GRHL2: variants seen among roughly 807,000 people sequenced by gnomAD.
The protein encoded by GRHL2 is grainyhead like transcription factor 2, also known as grainyhead-like protein 2 homolog.
In GRHL2, 21 loss-of-function variants were observed where a neutral mutation model predicts 83.8. That is an observed-to-expected ratio of 0.25 (90% CI 0.18 to 0.36). The LOEUF (loss-of-function observed/expected upper bound fraction) is 0.36, where lower values mean the gene tolerates loss of function less well. Ranked by LOEUF, GRHL2 falls within the 10% of genes least tolerant of loss-of-function variation. The pLI, the probability that GRHL2 is intolerant of heterozygous loss-of-function variation, is 1.00. For missense variants in GRHL2, 623 were observed against 781.8 expected (o/e 0.80, Z 2.42); for synonymous variants, 280 against 278.9 (o/e 1.00, Z -0.04).
At chr8:101,596,132 T>TA (rs35255628) in intron 7 of GRHL2, among the ~76,000 whole-genome samples, 143,765 of 151,184 alleles carry the variant, frequency 0.95, 68,520 homozygotes, top group African/African-American at 0.97. Context: ...AAAATAAAAA[T>TA]AAAAAAAATA....
intron 14 of GRHL2, among the ~76,000 whole-genome samples, chr8:101,653,595 T>A (rs533640996): frequency 6.6e-6 from 1 of 152,158 alleles, no homozygotes; most frequent in South Asian, 2.1e-4. Flanking sequence ...ACCAGAAAAT[T>A]AGCTGAGTGT....
In GRHL2 at chr8:101,652,333, GT is replaced by G. The variant is rs1563626567; in HGVS notation, c.1698+2835del. ...TAGTGTGTGTGCGTGTGTGTGTGGT[GT>G]GTGTGTATGTGTGTGGTGTGTGTGG... On this transcript the variant is annotated intron_variant, in intron 14 of 15. Transcript: ENST00000646743. Among the ~76,000 whole-genome samples the G allele has an allele frequency of 9.3e-3, 972 of 105,036 alleles. 62 individuals carry two copies. Among genetic ancestry groups the G allele is most frequent in the African/African-American group, 0.04 (779 of 19,268 alleles). The allele number at this position is 105,036 out of a possible 152,430, so 68.9% of individuals were successfully genotyped here. A position where few individuals can be genotyped will look rare whatever the true frequency, so the allele number is the denominator to read the frequency against.
chr8:101,511,901 C>T (rs1161712841), intron 1 of GRHL2, among the ~76,000 whole-genome samples: 1 of 152,140 alleles, frequency 6.6e-6, no homozygotes, highest in Non-Finnish European at 1.5e-5. Flanking sequence ...TTCTAGATGG[C>T]CAAACTATTC....
chr8:101,671,437 C>A (rs1814206725), downstream of GRHL2, among the ~76,000 whole-genome samples: 1 of 152,178 alleles, frequency 6.6e-6, no homozygotes, highest in Non-Finnish European at 1.5e-5. Context: ...TGAGATCAAA[C>A]TGCAAGGCGG....
chr8:101,527,907 T>C (rs1445962900), intron 1 of GRHL2, among the ~76,000 whole-genome samples: 1 of 152,240 alleles, frequency 6.6e-6, no homozygotes, highest in Non-Finnish European at 1.5e-5. Context: ...TGGCAGTTTC[T>C]AGTTCTGTTC....
At chr8:101,633,752 C>G (rs980360311) in intron 11 of GRHL2, among the ~76,000 whole-genome samples, 1 of 151,742 alleles carries the variant, frequency 6.6e-6, no homozygotes, top group Admixed American at 6.6e-5. Flanking sequence ...TTCCCAAGAC[C>G]ATGGTGATGA....
At chr8:101,500,461 TATAATG>T (rs1810203486) in intron 1 of GRHL2, among the ~76,000 whole-genome samples, 1 of 152,216 alleles carries the variant, frequency 6.6e-6, no homozygotes, top group South Asian at 2.1e-4. Flanking sequence ...GTAAGTTTCT[TATAATG>T]GTAAATGGTA....
intron 8 of GRHL2, among the ~76,000 whole-genome samples, chr8:101,615,128 G>C (rs1215855009): frequency 6.6e-6 from 1 of 152,128 alleles, no homozygotes; most frequent in African/African-American, 2.4e-5. Flanking sequence ...TCTGATGTGT[G>C]GTAGCTCATT....
At chr8:101,492,928 A>G (rs1035946503) in intron 1 of GRHL2, 139 bp downstream of exon 1, 1 of 784,870 alleles carries the variant, frequency 1.3e-6, no homozygotes, top group African/African-American at 1.7e-5. Context: ...GTGGATCCAG[A>G]CTTTTCCGCA....
intron 1 of GRHL2, among the ~76,000 whole-genome samples, chr8:101,540,405 A>G (rs1431892292): frequency 1.3e-5 from 2 of 152,184 alleles, no homozygotes; most frequent in African/African-American, 4.8e-5. Context: ...CCTGCCAACC[A>G]GGGTGTTTTC....
At chr8:101,595,695 C>T (rs995479169) in intron 7 of GRHL2, among the ~76,000 whole-genome samples, 1 of 151,802 alleles carries the variant, frequency 6.6e-6, no homozygotes, top group Non-Finnish European at 1.5e-5. Flanking sequence ...AATTGTTTTT[C>T]TTTGTTTTTT....
chr8:101,527,009 G>A (rs945701055), intron 1 of GRHL2, among the ~76,000 whole-genome samples: 5 of 152,072 alleles, frequency 3.3e-5, no homozygotes, highest in African/African-American at 9.7e-5. Flanking sequence ...GTTTAATGCC[G>A]CTGTCTTTAT....
At chr8:101,540,408 G>T (rs1273162156) in intron 1 of GRHL2, among the ~76,000 whole-genome samples, 1 of 152,134 alleles carries the variant, frequency 6.6e-6, no homozygotes, top group Non-Finnish European at 1.5e-5. Context: ...GCCAACCAGG[G>T]TGTTTTCTCA....
In GRHL2 at chr8:101,572,658, C is replaced by T. The variant is rs561485935; in HGVS notation, c.735-1010C>T. The stretch of plus-strand genomic sequence containing the variant: ...TTTGTTATTGGATTGTCACTGTGAG[C>T]CGTCCTGCAGTATAGCAGAAATAAA... On this transcript the variant is annotated intron_variant, in intron 5 of 15. Coordinates refer to ENST00000646743, the MANE Select transcript of GRHL2 (RefSeq NM_024915.4). Among the ~76,000 whole-genome samples the T allele has an allele frequency of 2.6e-5, 4 of 152,094 alleles. No homozygotes were observed. The South Asian group carries it at 8.3e-4, about 32-fold the overall frequency.
At chr8:101,535,503 T>A (rs1304760127) in intron 1 of GRHL2, among the ~76,000 whole-genome samples, 3 of 152,156 alleles carry the variant, frequency 2.0e-5, no homozygotes, top group Non-Finnish European at 4.4e-5. Flanking sequence ...CATTCTTGGA[T>A]CTGACAGCTC....
At chr8:101,515,814 G>A (rs996639896) in intron 1 of GRHL2, among the ~76,000 whole-genome samples, 1 of 152,118 alleles carries the variant, frequency 6.6e-6, no homozygotes, top group African/African-American at 2.4e-5. Context: ...GTCTACCAAA[G>A]ACAGCTTAAG....
intron 2 of GRHL2, among the ~76,000 whole-genome samples, chr8:101,546,945 C>T (rs1396440547): frequency 6.6e-6 from 1 of 152,186 alleles, no homozygotes; most frequent in Non-Finnish European, 1.5e-5. Flanking sequence ...AGAACTCCTT[C>T]TGTTGAATTA....
At chr8:101,679,677 A>G in the GRHL2 span, among the ~76,000 whole-genome samples, 1 of 151,632 alleles carries the variant, frequency 6.6e-6, no homozygotes, top group East Asian at 1.9e-4. Context: ...GCCAGAGAAC[A>G]AGGTCAGGTT....
intron 5 of GRHL2, among the ~76,000 whole-genome samples, chr8:101,572,421 G>C (rs2130226506): frequency 6.6e-6 from 1 of 152,202 alleles, no homozygotes; most frequent in South Asian, 2.1e-4. Context: ...CTGCCCTTCA[G>C]ATTTTCTTAT....
Sources: allele counts gnomAD v4.1 joint callset (sites outside exome capture counted in the v4.1 genomes callset), GRCh38; gene constraint gnomAD v4.1.1; transcripts MANE v1.5; gene names NCBI Gene and HGNC (gene_info 2026-07-23, HGNC 2026-07-21).